ZFR2: variants seen among roughly 807,000 people sequenced by gnomAD.
The protein encoded by ZFR2 is zinc finger RNA binding protein 2.
A neutral mutation model predicts 105.7 loss-of-function variants in ZFR2; 104 were observed. The observed-to-expected ratio is 0.98, with a 90% CI of 0.84 to 1.16. ZFR2 has a LOEUF of 1.16. Ranked by LOEUF, ZFR2 falls within the 50% of genes most tolerant of loss-of-function variation. ZFR2 has a pLI of 0.00. For missense variants in ZFR2, 1,425 were observed against 1,355.5 expected (o/e 1.05, Z -0.80); for synonymous variants, 634 against 597.7 (o/e 1.06, Z -0.89).
At position 3,821,427 on chromosome 19, in the gene ZFR2, C is replaced by A. The variant is rs768391077; in HGVS notation, c.1544G>T (p.Arg515Leu). ...CCTCATGCGCTCCTCCAGGACCTTC[C>A]GAGCCCGGCTGCTGGGCTCCGTGGC... ...PIATEPSSRA[R>L]KVLEERMRKQ... The change falls in exon 10 of 19, where the codon CGG becomes CTG. Residue 515 changes from arginine to leucine, a missense_variant. Arg to Leu is a moderately radical substitution (Grantham distance 102). Transcript: ENST00000262961. 1.2e-6 allele frequency: 2 copies of A among 1,610,310 alleles called. No individual in the cohort carries two copies. The highest frequency in any genetic ancestry group is 1.7e-6 in the Non-Finnish European group (2 of 1,178,116).
At chr19:3,839,048 G>A (rs565156476) in intron 1 of ZFR2, among the ~76,000 whole-genome samples, 3 of 152,262 alleles carry the variant, frequency 2.0e-5, no homozygotes, top group Admixed American at 6.5e-5. Context: ...CTCTACAGAA[G>A]GATGGACATG....
rs529760829 is a variant in ZFR2 at position 3,852,685 on chromosome 19, G to A, written c.53+16280C>T. 26 of 667,858 alleles carry A rather than the reference G, an allele frequency of 3.9e-5. No individual in the cohort carries two copies. In the East Asian group the frequency reaches 6.6e-4, roughly 17 times the overall value. The allele number at this position is 667,858 out of a possible 1,614,324, so 41.4% of individuals were successfully genotyped here. On this transcript the variant is annotated intron_variant, in intron 1 of 18. Coordinates refer to ENST00000262961, the MANE Select transcript of ZFR2 (RefSeq NM_015174.2). ...GTGGATGAAGGATGAAGGCATTTTG[G>A]CAACAATCTGCCACATTGTGGTTTC...
chr19:3,864,346 A>G (rs544407569), intron 1 of ZFR2, among the ~76,000 whole-genome samples: 56 of 152,222 alleles, frequency 3.7e-4, no homozygotes, highest in African/African-American at 1.3e-3. Context: ...ACGGCACTCC[A>G]GCCTGGGCAA....
intron 1 of ZFR2, among the ~76,000 whole-genome samples, chr19:3,867,973 C>T (rs2038452275): frequency 1.3e-5 from 2 of 151,702 alleles, no homozygotes; most frequent in Admixed American, 1.3e-4. Flanking sequence ...CAGTGCCCTC[C>T]ACACTCGAAT....
chr19:3,835,859 G>GGGAGGATGGCTTGAGCCCAGGAAGT (rs542683420), intron 1 of ZFR2, among the ~76,000 whole-genome samples: 4,549 of 152,038 alleles, frequency 0.03, 218 homozygotes, highest in African/African-American at 0.1. Flanking sequence ...AGGCTGAGGT[G>GGGAGGATGGCTTGAGCCCAGGAAGT]GGAGGATGGC....
rs533494483 is a variant in ZFR2, at chr19:3,822,026, C to G, written c.1491+55G>C. The G allele has an allele frequency of 1.1e-4, 166 of 1,528,818 alleles. 2 individuals carry two copies. The South Asian group carries it at 1.7e-3, about 16-fold the overall frequency. The allele number at this position is 1,528,818 out of a possible 1,614,324, so 94.7% of individuals were successfully genotyped here. A position where few individuals can be genotyped will look rare whatever the true frequency, so the allele number is the denominator to read the frequency against. Reference sequence around the variant, plus strand: ...GCCCGACCACAGGCCTCCCAGCGCCCGCCGGGCCCTAGCACAGCCCGGACG... The same window carrying G: ...GCCCGACCACAGGCCTCCCAGCGCCGGCCGGGCCCTAGCACAGCCCGGACG... On this transcript the variant is annotated intron_variant, in intron 9 of 18. Transcript: ENST00000262961.
In ZFR2 at chr19:3,817,762, G is replaced by GA. The variant is rs869069657; in HGVS notation, c.1932-918dup. Among the ~76,000 whole-genome samples, 86 of 61,876 alleles carry GA rather than the reference G, an allele frequency of 1.4e-3. 1 individual carries two copies. Among genetic ancestry groups the GA allele is most frequent in the Non-Finnish European group, 1.7e-3 (47 of 28,392 alleles). The allele number at this position is 61,876 out of a possible 152,430, so 40.6% of individuals were successfully genotyped here. On this transcript the variant is annotated intron_variant, in intron 12 of 18. Transcript: ENST00000262961. ...CAGAGCAAGACTCAGTCTCAAAAAA[G>GA]AAAAAAAAAAAAAAAAAAGGAGAGG...
chr19:3,832,546 G>A (rs1048936982), intron 3 of ZFR2, among the ~76,000 whole-genome samples: 2 of 151,598 alleles, frequency 1.3e-5, no homozygotes, highest in East Asian at 1.9e-4. Context: ...GGTCTCGATC[G>A]CTTGACCTTG....
intron 1 of ZFR2, among the ~76,000 whole-genome samples, chr19:3,863,282 C>A (rs1174241482): frequency 6.6e-6 from 1 of 152,204 alleles, no homozygotes; most frequent in African/African-American, 2.4e-5. Context: ...AGCCTGTTCT[C>A]ATGGTCAGCA....
chr19:3,805,160 C>T lies in ZFR2; in HGVS notation c.*789G>A, dbSNP rs932922747. 1 of 152,218 alleles carries T rather than the reference C, an allele frequency of 6.6e-6. No individual in the cohort carries two copies. Among genetic ancestry groups the T allele is most frequent in the Non-Finnish European group, 1.5e-5 (1 of 68,108 alleles). 9.4% of individuals were successfully genotyped at this position (152,218 alleles called of 1,614,324 possible). On this transcript the variant is annotated 3_prime_UTR_variant, in exon 19 of 19. Transcript: ENST00000262961. ...GTGCTGGGATTATAGGTGTGAGCCACCATGCGCAGCCCAGAGGAAGTATTT... is the reference window on the plus strand; with the variant it reads ...GTGCTGGGATTATAGGTGTGAGCCATCATGCGCAGCCCAGAGGAAGTATTT...
Position 3,868,989 on chromosome 19 carries a change from G to A in ZFR2, c.29C>T (p.Ala10Val). The change falls in exon 1 of 19, where the codon GCG becomes GTG. Residue 10 changes from alanine to valine, a missense_variant. Physicochemically the swap from Ala to Val is moderately conservative, Grantham distance 64. Transcript: ENST00000262961. MATSQYFDF[A>V]QGGGPQYSAQ... ...CCTGTACTGCGGGCCGCCGCCCTGC[G>A]CGAAGTCGAAATACTGACTCGTCGC... is the stretch of plus-strand genomic sequence containing the variant. 1.5e-6 allele frequency: 2 copies of A among 1,377,310 alleles called. No homozygotes were observed. The highest frequency in any genetic ancestry group is 1.9e-6 in the Non-Finnish European group (2 of 1,055,184). 85.3% of individuals were successfully genotyped at this position (1,377,310 alleles called of 1,614,324 possible).
chr19:3,868,423 G>A (rs1013783254), intron 1 of ZFR2, among the ~76,000 whole-genome samples: 1 of 150,634 alleles, frequency 6.6e-6, no homozygotes, highest in Non-Finnish European at 1.5e-5. Context: ...CTCCTGCCCA[G>A]CCAGACACCC....
At chr19:3,821,550 G>T (rs1568421171) in intron 9 of ZFR2, 71 bp from the exon 10 acceptor site, 2 of 1,448,260 alleles carry the variant, frequency 1.4e-6, no homozygotes, top group Non-Finnish European at 1.8e-6. Context: ...GGATCTTGGG[G>T]TGCAGGGAGA....
intron 1 of ZFR2, among the ~76,000 whole-genome samples, chr19:3,868,395 C>T (rs1483248669): frequency 2.0e-5 from 3 of 150,430 alleles, no homozygotes; most frequent in African/African-American, 4.9e-5. Context: ...GGGTCAATGC[C>T]CCTCTGCCCT....
chr19:3,832,476 C>A (rs144372199), intron 3 of ZFR2, among the ~76,000 whole-genome samples: 31 of 152,056 alleles, frequency 2.0e-4, no homozygotes, highest in African/African-American at 7.5e-4. Flanking sequence ...CATGCGCCAC[C>A]CTGCCCGGCT....
intron 1 of ZFR2, 32 bp from the exon 2 acceptor site, chr19:3,835,015 C>G: frequency 6.3e-7 from 1 of 1,585,962 alleles, no homozygotes; most frequent in African/African-American, 1.3e-5. Flanking sequence ...AAAGCCCCAC[C>G]AGGTTAGAGC....
intron 1 of ZFR2, among the ~76,000 whole-genome samples, chr19:3,839,095 G>A (rs1483997076): frequency 3.3e-5 from 5 of 152,246 alleles, no homozygotes; most frequent in South Asian, 2.1e-4. Context: ...CTGCACCATC[G>A]TGGGGTGTTT....
chr19:3,831,186 C>A (rs1374760097), intron 5 of ZFR2, 117 bp downstream of exon 5: 4 of 1,382,110 alleles, frequency 2.9e-6, no homozygotes, highest in Non-Finnish European at 3.8e-6. Context: ...CAAGTTAACA[C>A]CAGACCTTCT....
intron 14 of ZFR2, among the ~76,000 whole-genome samples, chr19:3,811,785 G>A (rs1444139090): frequency 6.8e-6 from 1 of 147,756 alleles, no homozygotes; most frequent in Non-Finnish European, 1.5e-5. Flanking sequence ...TTTAGAGACA[G>A]GGTCTCGCTC....
Sources: allele counts gnomAD v4.1 joint callset (sites outside exome capture counted in the v4.1 genomes callset), GRCh38; gene constraint gnomAD v4.1.1; transcripts MANE v1.5; gene names NCBI Gene and HGNC (gene_info 2026-07-23, HGNC 2026-07-21).